Variants in TEX11 observed in about 807,000 individuals in gnomAD.
TEX11 encodes testis-expressed protein 11.
TEX11 carries 7 observed loss-of-function variants against 84.4 expected under a neutral mutation model. The ratio of observed to expected loss-of-function variants is 0.08; its 90% confidence interval spans 0.05 to 0.16. The LOEUF is 0.16. TEX11 is among the 10% of genes least tolerant of loss of function. The pLI is 1.00. For missense variants in TEX11, 551 were observed against 660.5 expected (o/e 0.83, Z 1.82); for synonymous variants, 264 against 222.8 (o/e 1.18, Z -1.64).
intron 9 of TEX11, among the ~76,000 whole-genome samples, chrX:70,790,627 T>G (rs979921928): frequency 8.9e-6 from 1 of 111,937 alleles, no homozygotes. Context: ...AGAGAGAGGA[T>G]AGAGCAGAGA....
At chrX:70,623,886 T>A (rs1465770344) in intron 20 of TEX11, 64 bp downstream of exon 20, 11 of 978,432 alleles carry the variant, frequency 1.1e-5, no homozygotes, top group Admixed American at 4.8e-5. Flanking sequence ...AATATATGAT[T>A]TATATTGTAA....
intron 25 of TEX11, among the ~76,000 whole-genome samples, chrX:70,584,279 G>A (rs1318010579): frequency 1.1e-5 from 1 of 93,611 alleles, no homozygotes; most frequent in Non-Finnish European, 2.1e-5. Context: ...GACAGAGCGA[G>A]ACTCCGTCTC....
chrX:70,904,870 T>TA (rs1475851765), intron 2 of TEX11, among the ~76,000 whole-genome samples: 3 of 112,821 alleles, frequency 2.7e-5, no homozygotes, highest in South Asian at 3.6e-4. Context: ...TACACTGAGT[T>TA]AAAAAAATTA....
chrX:70,667,183 C>T (rs1247283243), intron 16 of TEX11, among the ~76,000 whole-genome samples: 2 of 112,185 alleles, frequency 1.8e-5, no homozygotes, highest in Non-Finnish European at 3.8e-5. Flanking sequence ...AACACAGCCA[C>T]ACCAATTTGA....
At chrX:70,748,369 G>T (rs961915163) in intron 9 of TEX11, among the ~76,000 whole-genome samples, 1 of 111,407 alleles carries the variant, frequency 9.0e-6, no homozygotes, top group East Asian at 2.8e-4. Flanking sequence ...ATAAAGGGGA[G>T]TAACAATAAG....
intron 12 of TEX11, among the ~76,000 whole-genome samples, chrX:70,724,463 A>G (rs1339145907): frequency 3.6e-5 from 4 of 111,854 alleles, no homozygotes; most frequent in African/African-American, 1.3e-4. Flanking sequence ...TTGGATAATC[A>G]GTAACTATAC....
At chrX:70,711,322 T>G (rs1031619630) in intron 13 of TEX11, among the ~76,000 whole-genome samples, 3 of 111,030 alleles carry the variant, frequency 2.7e-5, no homozygotes, top group Admixed American at 9.6e-5. Context: ...GATGGCTGGG[T>G]CAAATGGTAT....
intron 24 of TEX11, among the ~76,000 whole-genome samples, chrX:70,594,185 T>C (rs1371342479): frequency 1.8e-5 from 2 of 111,222 alleles, no homozygotes; most frequent in Non-Finnish European, 3.8e-5. Context: ...TTAAAAACAA[T>C]AAAGGCCAGA....
At chrX:70,819,765 G>A (rs147367452) in intron 8 of TEX11, among the ~76,000 whole-genome samples, 2,262 of 111,535 alleles carry the variant, frequency 0.02, 39 homozygotes, top group African/African-American at 0.07. Context: ...TATCAGTGAC[G>A]TTTCTATACA....
chrX:70,817,759 A>C (rs1398132544), intron 8 of TEX11, among the ~76,000 whole-genome samples: 1 of 110,087 alleles, frequency 9.1e-6, no homozygotes, highest in East Asian at 2.9e-4. Context: ...AAGAGGAAAA[A>C]GGAAAAGAAA....
intron 5 of TEX11, among the ~76,000 whole-genome samples, chrX:70,856,859 A>T (rs961929540): frequency 3.8e-4 from 29 of 76,314 alleles, no homozygotes; most frequent in East Asian, 3.5e-3. Flanking sequence ...TTTTTTTTTA[A>T]AAAAAAGAGA....
intron 28 of TEX11, among the ~76,000 whole-genome samples, chrX:70,539,457 G>A (rs1395126613): frequency 9.0e-6 from 1 of 111,029 alleles, no homozygotes; most frequent in Non-Finnish European, 1.9e-5. Flanking sequence ...ATGTAGCTCA[G>A]TAGTTTGAAT....
At chrX:70,603,898 G>C (rs866713596) in intron 24 of TEX11, among the ~76,000 whole-genome samples, 2 of 109,885 alleles carry the variant, frequency 1.8e-5, no homozygotes, top group African/African-American at 6.6e-5. Flanking sequence ...CGAAGGACAT[G>C]AACAAGTATT....
At position 70,548,385 on chromosome X, in the gene TEX11, T is replaced by A. The variant is rs763169693; in HGVS notation, c.2520+3741A>T. Among the ~76,000 whole-genome samples, 20 of 110,026 alleles carry A rather than the reference T, an allele frequency of 1.8e-4. No individual in the cohort carries two copies. The East Asian group carries it at 5.7e-3, about 31-fold the overall frequency. ...TATACATATGTAACAAACCTGCACA[T>A]TGTGCACATGTACCCTAAAACTTAA... On this transcript the variant is annotated intron_variant, in intron 28 of 29. Transcript: ENST00000374333.
the TEX11 span, among the ~76,000 whole-genome samples, chrX:70,512,536 C>G: frequency 9.2e-6 from 1 of 108,359 alleles, no homozygotes; most frequent in Admixed American, 9.8e-5. Context: ...CAAAGCATTT[C>G]CTTATTCCCT....
chrX:70,615,054 C>T (rs1449053910), intron 20 of TEX11, among the ~76,000 whole-genome samples: 3 of 110,651 alleles, frequency 2.7e-5, no homozygotes, highest in African/African-American at 6.6e-5. Context: ...TTAAATATCA[C>T]GAAAGCCCTC....
intron 1 of TEX11, 111 bp from the exon 2 acceptor site, chrX:70,907,921 G>T: frequency 1.9e-6 from 1 of 533,576 alleles, no homozygotes; most frequent in Admixed American, 3.5e-5. Flanking sequence ...AGAAAAAAAG[G>T]CTGAGTAAAG....
intron 11 of TEX11, among the ~76,000 whole-genome samples, chrX:70,730,920 A>C (rs1318764182): frequency 8.9e-6 from 1 of 112,123 alleles, no homozygotes; most frequent in African/African-American, 3.2e-5. Context: ...ACTCCTCAGC[A>C]AATGTAAAAC....
At chrX:70,517,059 A>G in the TEX11 span, among the ~76,000 whole-genome samples, 15 of 111,827 alleles carry the variant, frequency 1.3e-4, no homozygotes, top group African/African-American at 4.5e-4. Context: ...CAATCACGTC[A>G]TCTGCAAACA....
Sources: allele counts gnomAD v4.1 joint callset (sites outside exome capture counted in the v4.1 genomes callset), GRCh38; gene constraint gnomAD v4.1.1; transcripts MANE v1.5; gene names NCBI Gene and HGNC (gene_info 2026-07-23, HGNC 2026-07-21).